The following FIBP variants were observed in gnomAD, a reference collection of about 807,000 sequenced individuals.
FIBP encodes the protein acidic fibroblast growth factor intracellular-binding protein.
In FIBP, 29 loss-of-function variants were observed where a neutral mutation model predicts 40.5. The observed-to-expected ratio is 0.72, with a 90% confidence interval of 0.53 to 0.98. The LOEUF (loss-of-function observed/expected upper bound fraction) is 0.98. Ranked by LOEUF, FIBP falls within the 50% of genes least tolerant of loss-of-function variation. The pLI is 0.00. For missense variants in FIBP, 411 were observed against 470.2 expected, an observed-to-expected ratio of 0.87 and a Z score of 1.16; for synonymous variants, 215 against 191.1, an observed-to-expected ratio of 1.13 and a Z score of -1.03.
At chr11:65,887,336 C>T in intron 3 of FIBP, 1 of 481,192 alleles carries the variant, frequency 2.1e-6, no homozygotes, top group South Asian at 2.1e-5. Context: ...ATCTCAGCTA[C>T]TGCAGAGGCT....
chr11:65,885,086 C>A lies in FIBP; in HGVS notation c.747G>T (p.Leu249=), dbSNP rs1260978060. The A allele has an allele frequency of 1.2e-6, 2 of 1,613,642 alleles. No individual in the cohort carries two copies. Among genetic ancestry groups the A allele is most frequent in the Non-Finnish European group, 1.7e-6 (2 of 1,179,706 alleles). ...GGCCCCTACAAGGTCACCTCTTGTG[C>A]AGGTCCAGAAGGTCCTTGTCAGCCA... ...VLVADKDLLD[L]HKSLVCTALR... The change falls in exon 6 of 10, where the codon CTG becomes CTT. Residue 249 remains leucine, a synonymous_variant. Transcript: ENST00000357519.
intron 4 of FIBP, 165 bp from the exon 5 acceptor site, chr11:65,885,828 G>A (rs750330992): frequency 9.1e-5 from 61 of 672,558 alleles, no homozygotes; most frequent in Non-Finnish European, 1.1e-4. Context: ...CCATCTGTGC[G>A]AAGAGAAGGT....
chr11:65,884,868 G>A (rs1591076070), intron 7 of FIBP, 67 bp downstream of exon 7: 1 of 1,579,274 alleles, frequency 6.3e-7, no homozygotes, highest in Non-Finnish European at 8.7e-7. Flanking sequence ...GGGCAGAGCT[G>A]CCCGGTAGGG....
chr11:65,887,208 A>C, intron 3 of FIBP: 1 of 351,720 alleles, frequency 2.8e-6, no homozygotes, highest in Non-Finnish European at 5.5e-6. Context: ...GCACTTTGGG[A>C]GGCCGAGGCG....
At position 65,883,946 on chromosome 11, in the gene FIBP, C is replaced by T; in HGVS notation, c.*28G>A. On this transcript the variant is annotated 3_prime_UTR_variant, in exon 10 of 10. Transcript: ENST00000357519. ...TCCAAACTCAGAGCAACTTTATTGTCAGCGTGGGCGGAGCGTTGGGAGGCA... is the reference window on the plus strand; with the variant it reads ...TCCAAACTCAGAGCAACTTTATTGTTAGCGTGGGCGGAGCGTTGGGAGGCA... 6 of 1,607,952 alleles carry T rather than the reference C, an allele frequency of 3.7e-6. No homozygotes were observed. The highest frequency in any genetic ancestry group is 5.1e-6 in the Non-Finnish European group (6 of 1,175,358).
At chr11:65,887,490 G>A (rs1860267329) in intron 3 of FIBP, 110 bp downstream of exon 3, 6 of 1,056,672 alleles carry the variant, frequency 5.7e-6, no homozygotes, top group Non-Finnish European at 8.7e-6. Context: ...GGGAGGAGAA[G>A]ACTAGGTATG....
At chr11:65,884,903 C>T in intron 7 of FIBP, 32 bp downstream of exon 7, 1 of 1,612,986 alleles carries the variant, frequency 6.2e-7, no homozygotes, top group Non-Finnish European at 8.5e-7. Flanking sequence ...GCTGAAGATG[C>T]CAAGGGTCAG....
At chr11:65,887,826 C>T in intron 2 of FIBP, 100 bp from the exon 3 acceptor site, 2 of 1,594,548 alleles carry the variant, frequency 1.3e-6, no homozygotes, top group Non-Finnish European at 1.7e-6. Flanking sequence ...CCACTCTCAA[C>T]TTTCTGATGG....
Position 65,888,109 on chromosome 11 carries a change from C to T in FIBP, c.109G>A (p.Val37Met). ...GTCTGCTCCAGGATTCCCGAGCGCA[C>T]CCGCAGGGCCACCGCGTCGGTCACT... ...YSVTDAVALR[V>M]RSGILEQTGA... Residue 37 changes from valine (V) to methionine (M), a missense_variant, in exon 2 of 10, where the codon GTG becomes ATG. Coordinates refer to ENST00000357519, the MANE Select transcript of FIBP (RefSeq NM_004214.5). 1 of 1,585,662 alleles carries T rather than the reference C, an allele frequency of 6.3e-7. No individual in the cohort carries two copies. The highest frequency in any genetic ancestry group is 8.6e-7 in the Non-Finnish European group (1 of 1,169,178).
chr11:65,884,033 G>A lies in FIBP; in HGVS notation c.1015C>T (p.Leu339Phe), dbSNP rs1225984482. 3 of 1,613,702 alleles carry A rather than the reference G, an allele frequency of 1.9e-6. No individual in the cohort carries two copies. Among genetic ancestry groups the A allele is most frequent in the Non-Finnish European group, 2.5e-6 (3 of 1,179,870 alleles). The change falls in exon 10 of 10, where the codon CTC (leucine) becomes TTC (phenylalanine). Residue 339 changes from leucine to phenylalanine, a missense_variant. Transcript: ENST00000357519. The stretch of plus-strand genomic sequence containing the variant: ...AGGGTGCCCATGTAGCGGTCCCAGA[G>A]GGCCTGGTGTCTGTAAGAACATGAA... Reference protein sequence around the residue: ...HSLDGFRHQALWDRYMGTLRG... With the variant: ...HSLDGFRHQAFWDRYMGTLRG...
In FIBP at chr11:65,883,956, G is replaced by T; in HGVS notation, c.*18C>A. Reference sequence around the variant, plus strand: ...GAGCAACTTTATTGTCAGCGTGGGCGGAGCGTTGGGAGGCACCTCAGTCAT... The same window carrying T: ...GAGCAACTTTATTGTCAGCGTGGGCTGAGCGTTGGGAGGCACCTCAGTCAT... On this transcript the variant is annotated 3_prime_UTR_variant, in exon 10 of 10. Transcript: ENST00000357519. The T allele has an allele frequency of 6.2e-7, 1 of 1,611,670 alleles. No individual in the cohort carries two copies. The highest frequency in any genetic ancestry group is 1.3e-5 in the African/African-American group (1 of 74,996).
chr11:65,886,250 G>A, intron 4 of FIBP, 72 bp downstream of exon 4: 2 of 964,182 alleles, frequency 2.1e-6, no homozygotes, highest in Non-Finnish European at 3.4e-6. Context: ...AGAAGGTTTG[G>A]GGTAGGGAAG....
rs1450267894 is a variant in FIBP, at chr11:65,883,808, T to C, written c.*166A>G. The C allele has an allele frequency of 4.0e-6, 3 of 745,778 alleles. No individual in the cohort carries two copies. Among genetic ancestry groups the C allele is most frequent in the Non-Finnish European group, 6.7e-6 (3 of 450,576 alleles). The allele number at this position is 745,778 out of a possible 1,614,324, so 46.2% of individuals were successfully genotyped here. A position where few individuals can be genotyped will look rare whatever the true frequency, so the allele number is the denominator to read the frequency against. ...CACCATTCCCTGAGATATGTCTCAG[T>C]TCCCAAGGAGCCACTGTACACATCC... On this transcript the variant is annotated 3_prime_UTR_variant, in exon 10 of 10. Transcript: ENST00000357519.
chr11:65,886,459 G>T, intron 3 of FIBP, 37 bp from the exon 4 acceptor site: 1 of 1,373,784 alleles, frequency 7.3e-7, no homozygotes, highest in Non-Finnish European at 1.0e-6. Flanking sequence ...GGACTGGTCA[G>T]AGTGTACACT....
At chr11:65,887,317 G>A (rs1287639088) in intron 3 of FIBP, 13 of 445,148 alleles carry the variant, frequency 2.9e-5, no homozygotes, top group Non-Finnish European at 4.2e-5. Context: ...GTGGGAGCGG[G>A]CGCCTGTAAT....
rs371052475 is a variant in FIBP, at chr11:65,885,158, G to A, written c.675C>T (p.Asp225=). The change falls in exon 6 of 10, where the codon GAC becomes GAT. Residue 225 remains aspartate, a synonymous_variant. Transcript: ENST00000357519. The part of the protein sequence containing the change: ...VDSQMDDMDM[D]LDKEFLQDLK... ...AGTCCTGGAGAAATTCCTTGTCTAA[G>A]TCCATGTCCATGTCATCCATCTGTG... The A allele has an allele frequency of 1.6e-5, 24 of 1,547,348 alleles. No homozygotes were observed. Among genetic ancestry groups the A allele is most frequent in the Non-Finnish European group, 2.0e-5 (23 of 1,135,908 alleles).
chr11:65,886,239 C>G, intron 4 of FIBP, 83 bp downstream of exon 4: 1 of 838,522 alleles, frequency 1.2e-6, no homozygotes, highest in Non-Finnish European at 2.0e-6. Flanking sequence ...CTCAGGAGGT[C>G]AGAAGGTTTG....
In FIBP at chr11:65,885,287, A is replaced by G. The variant is rs566141428; in HGVS notation, c.647-101T>C. 4.2e-5 allele frequency: 45 copies of G among 1,066,794 alleles called. No individual in the cohort carries two copies. In the African/African-American group the frequency reaches 6.4e-4, roughly 15 times the overall value. 66.1% of individuals were successfully genotyped at this position (1,066,794 alleles called of 1,614,324 possible). On this transcript the variant is annotated intron_variant, in intron 5 of 9. Transcript: ENST00000357519. ...CACCTTATTTCCCCCCTGGGGACAA[A>G]AGAGGAAATGGAGTGTCAGAGAGAT...
chr11:65,884,749 A>G, intron 7 of FIBP, 93 bp from the exon 8 acceptor site: 1 of 1,376,038 alleles, frequency 7.3e-7, no homozygotes, highest in Non-Finnish European at 1.0e-6. Flanking sequence ...GCCCCTCCCC[A>G]GATCCATCCA....
Sources: gnomAD v4.1 joint callset for allele counts on GRCh38, gnomAD v4.1.1 for gene constraint, MANE v1.5 for transcripts, NCBI Gene and HGNC (gene_info 2026-07-23, HGNC 2026-07-21) for gene names.